The following KCND2 variants were observed in gnomAD, a reference collection of about 807,000 sequenced individuals.
KCND2 encodes A-type voltage-gated potassium channel KCND2.
Under a neutral mutation model 54.4 loss-of-function variants are expected in KCND2, and 16 were observed. The observed-to-expected ratio is 0.29, with a 90% CI of 0.20 to 0.45. The LOEUF (loss-of-function observed/expected upper bound fraction) is 0.45, where lower values mean the gene tolerates loss of function less well. Among genes scored for constraint, KCND2 ranks in the 20% least tolerant of loss-of-function variants. The pLI, the probability that KCND2 is intolerant of heterozygous loss-of-function variation, is 1.00. For synonymous variants in KCND2, 317 were observed against 310.7 expected (o/e 1.02, Z -0.21); for missense variants, 486 against 824.2 (o/e 0.59, Z 5.02).
chr7:120,543,960 A>G (rs1335474544), intron 1 of KCND2, among the ~76,000 whole-genome samples: 5 of 151,982 alleles, frequency 3.3e-5, no homozygotes, highest in South Asian at 2.1e-4. Context: ...GCCCTAACCA[A>G]CTAGTCTGGA....
At chr7:120,342,186 A>G (rs1229337350) in intron 1 of KCND2, among the ~76,000 whole-genome samples, 2 of 152,170 alleles carry the variant, frequency 1.3e-5, no homozygotes, top group Non-Finnish European at 1.5e-5. Flanking sequence ...AGTAAGTTAG[A>G]TGTGGGCTCC....
intron 1 of KCND2, among the ~76,000 whole-genome samples, chr7:120,565,905 A>C (rs540043076): frequency 5.3e-5 from 8 of 152,320 alleles, no homozygotes; most frequent in Non-Finnish European, 8.8e-5. Context: ...GTGATCTAAC[A>C]CAAGGATTAC....
At chr7:120,323,304 T>A (rs189105671) in intron 1 of KCND2, among the ~76,000 whole-genome samples, 12 of 152,244 alleles carry the variant, frequency 7.9e-5, no homozygotes, top group Non-Finnish European at 1.2e-4. Flanking sequence ...TTATTTATTT[T>A]TTTATTATTA....
At chr7:120,321,108 T>A (rs1799888250) in intron 1 of KCND2, among the ~76,000 whole-genome samples, 1 of 152,146 alleles carries the variant, frequency 6.6e-6, no homozygotes, top group Non-Finnish European at 1.5e-5. Flanking sequence ...TCAAGATATT[T>A]TTGTAGATTT....
At chr7:120,678,682 A>G (rs1374944140) in intron 1 of KCND2, among the ~76,000 whole-genome samples, 1 of 146,416 alleles carries the variant, frequency 6.8e-6, no homozygotes, top group Admixed American at 6.8e-5. Context: ...ATGTGTGTAC[A>G]TTTACAGTTC....
At chr7:120,746,602 T>G (rs1793011161) in intron 5 of KCND2, 1 of 154,320 alleles carries the variant, frequency 6.5e-6, no homozygotes, top group Admixed American at 6.3e-5. Context: ...TGCCTCTGGT[T>G]AGTTTATGAA....
chr7:120,443,352 A>AAATAATAATAAT (rs139962538), intron 1 of KCND2, among the ~76,000 whole-genome samples: 44 of 146,596 alleles, frequency 3.0e-4, no homozygotes, highest in African/African-American at 1.0e-3. Flanking sequence ...TAACAATAAT[A>AAATAATAATAAT]AATAATAATA....
intron 1 of KCND2, among the ~76,000 whole-genome samples, chr7:120,590,046 G>A (rs910560596): frequency 6.6e-6 from 1 of 151,796 alleles, no homozygotes; most frequent in Non-Finnish European, 1.5e-5. Context: ...ACGGAGTCTC[G>A]CCCTGTCACC....
At chr7:120,644,641 G>A (rs1475767672) in intron 1 of KCND2, among the ~76,000 whole-genome samples, 1 of 152,196 alleles carries the variant, frequency 6.6e-6, no homozygotes, top group African/African-American at 2.4e-5. Context: ...GACAGAGATA[G>A]TGATATGCAC....
At chr7:120,518,176 CATATT>C (rs952394650) in intron 1 of KCND2, among the ~76,000 whole-genome samples, 2 of 152,122 alleles carry the variant, frequency 1.3e-5, no homozygotes, top group African/African-American at 4.8e-5. Flanking sequence ...ACCCTTTACA[CATATT>C]ATCTTATGAT....
chr7:120,690,485 G>A (rs1202124178), intron 1 of KCND2, among the ~76,000 whole-genome samples: 1 of 152,140 alleles, frequency 6.6e-6, no homozygotes, highest in Non-Finnish European at 1.5e-5. Context: ...ACATGCTGAG[G>A]TCAGCTAGCA....
rs1430437058 is a variant in KCND2 at position 120,351,404 on chromosome 7, ACACACACACTCTCTCT to A, written c.1115+75659_1115+75674del. Among the ~76,000 whole-genome samples, 4 of 134,970 alleles carry A rather than the reference ACACACACACTCTCTCT, an allele frequency of 3.0e-5. No individual in the cohort carries two copies. In the East Asian group the frequency reaches 8.9e-4, roughly 30 times the overall value. The allele number at this position is 134,970 out of a possible 152,430, so 88.5% of individuals were successfully genotyped here. ...CACACACACACACACACACACACAC[ACACACACACTCTCTCT>A]CTCTCTCTCTCTCTCACATTGCAAG... On this transcript the variant is annotated intron_variant, in intron 1 of 5. Transcript: ENST00000331113.
intron 1 of KCND2, among the ~76,000 whole-genome samples, chr7:120,366,511 G>GAGGA (rs1409298171): frequency 3.4e-5 from 5 of 148,262 alleles, no homozygotes; most frequent in Non-Finnish European, 6.0e-5. Flanking sequence ...GGGAGGGAGG[G>GAGGA]AGGAAGGAAG....
intron 1 of KCND2, among the ~76,000 whole-genome samples, chr7:120,432,518 CA>C (rs1177629855): frequency 3.3e-5 from 5 of 152,332 alleles, no homozygotes; most frequent in African/African-American, 1.2e-4. Flanking sequence ...CACACACACA[CA>C]CACACCCCTC....
chr7:120,630,386 CT>C (rs1053819550), intron 1 of KCND2, among the ~76,000 whole-genome samples: 31 of 152,124 alleles, frequency 2.0e-4, no homozygotes, highest in African/African-American at 6.8e-4. Context: ...AAAAAGCCTC[CT>C]TTTTTCCCCC....
intron 1 of KCND2, among the ~76,000 whole-genome samples, chr7:120,728,601 T>C (rs1792766335): frequency 6.6e-6 from 1 of 152,126 alleles, no homozygotes; most frequent in African/African-American, 2.4e-5. Context: ...CCTTCTTATG[T>C]TTTTGCGAAT....
At chr7:120,385,909 G>A (rs1800981129) in intron 1 of KCND2, among the ~76,000 whole-genome samples, 1 of 152,040 alleles carries the variant, frequency 6.6e-6, no homozygotes, top group African/African-American at 2.4e-5. Flanking sequence ...GTTATTTTCA[G>A]GCTCAACTGG....
chr7:120,328,450 A>G (rs1189608386), intron 1 of KCND2, among the ~76,000 whole-genome samples: 2 of 152,164 alleles, frequency 1.3e-5, no homozygotes, highest in South Asian at 2.1e-4. Flanking sequence ...TAACTTTCCA[A>G]TGCCATTCAG....
intron 1 of KCND2, among the ~76,000 whole-genome samples, chr7:120,452,286 T>C (rs1197731172): frequency 6.6e-6 from 1 of 152,136 alleles, no homozygotes; most frequent in Non-Finnish European, 1.5e-5. Flanking sequence ...TCTTCATCAG[T>C]AAAATAATCA....
Sources: gnomAD v4.1 joint callset for allele counts (sites outside exome capture counted in the v4.1 genomes callset) on GRCh38, gnomAD v4.1.1 for gene constraint, MANE v1.5 for transcripts, NCBI Gene and HGNC (gene_info 2026-07-23, HGNC 2026-07-21) for gene names.